ULK4: variants seen among roughly 807,000 people sequenced by gnomAD.
ULK4 encodes the protein unc-51 like kinase 4, also known as inactive serine/threonine-protein kinase ULK4.
A neutral mutation model predicts 160.6 loss-of-function variants in ULK4; 133 were observed. The ratio of observed to expected loss-of-function variants is 0.83; its 90% CI spans 0.72 to 0.96. The LOEUF is 0.96. Among genes scored for constraint, ULK4 ranks in the 40% least tolerant of loss-of-function variants. The pLI is 0.00. For missense variants in ULK4, 1,580 were observed against 1,499.5 expected, an observed-to-expected ratio of 1.05 and a Z score of -0.89; for synonymous variants, 534 against 539.8, an observed-to-expected ratio of 0.99 and a Z score of 0.15.
intron 30 of ULK4, among the ~76,000 whole-genome samples, chr3:41,618,575 G>A (rs1460551684): frequency 6.6e-6 from 1 of 152,174 alleles, no homozygotes; most frequent in Non-Finnish European, 1.5e-5. Context: ...AGCAAATGCT[G>A]AGGGATTTTG....
Position 41,690,275 on chromosome 3 carries a change from A to C in ULK4, c.2782-8471T>G, listed in dbSNP as rs1251526050. ...ATGGACACAGGAAGGGGAACATCAC[A>C]CTCCGGGGACTGTTGTGGGGTAGGG... On this transcript the variant is annotated intron_variant, in intron 27 of 36. Transcript: ENST00000301831. Among the ~76,000 whole-genome samples, 30 of 150,136 alleles carry C rather than the reference A, an allele frequency of 2.0e-4. 1 individual carries two copies. Among genetic ancestry groups the C allele is most frequent in the African/African-American group, 7.3e-4 (30 of 40,840 alleles).
chr3:41,626,651 A>G (rs1449414014), intron 30 of ULK4, among the ~76,000 whole-genome samples: 1 of 151,674 alleles, frequency 6.6e-6, no homozygotes, highest in African/African-American at 2.4e-5. Flanking sequence ...CAGCCACCCG[A>G]GTAGCTAGGA....
chr3:41,476,114 G>A (rs2084136029), intron 32 of ULK4, among the ~76,000 whole-genome samples: 1 of 151,798 alleles, frequency 6.6e-6, no homozygotes, highest in Admixed American at 6.6e-5. Flanking sequence ...CTTAAACCTG[G>A]GTTTGCATAG....
chr3:41,628,526 G>A (rs1471718576), intron 30 of ULK4, among the ~76,000 whole-genome samples: 2 of 152,086 alleles, frequency 1.3e-5, no homozygotes, highest in Admixed American at 1.3e-4. Context: ...CTTAAATGGA[G>A]GAGCATCTTA....
intron 31 of ULK4, among the ~76,000 whole-genome samples, chr3:41,574,618 T>C (rs1559406779): frequency 7.2e-6 from 1 of 138,412 alleles, no homozygotes; most frequent in South Asian, 2.5e-4. Context: ...CTCAGCTCAA[T>C]GCAAGCTCCG....
Position 41,954,743 on chromosome 3 carries a change from A to G in ULK4, c.17T>C (p.Leu6Pro). 10 of 1,612,526 alleles carry G rather than the reference A, an allele frequency of 6.2e-6. No homozygotes were observed. The highest frequency in any genetic ancestry group is 7.6e-6 in the Non-Finnish European group (9 of 1,179,500). Reference protein sequence around the residue: MENFILYEEIGRGSKT... With the variant: MENFIPYEEIGRGSKT... ...GCTTCCTCTTCCGATCTCCTCATAC[A>G]GAATAAAGTTTTCCATCTCTGGGCC... is the stretch of plus-strand genomic sequence containing the variant. The change falls in exon 2 of 37, where the codon CTG (leucine) becomes CCG (proline). Residue 6 changes from leucine (L) to proline (P), a missense_variant. Transcript: ENST00000301831.
intron 30 of ULK4, among the ~76,000 whole-genome samples, chr3:41,632,064 C>T (rs941364466): frequency 9.2e-5 from 14 of 152,270 alleles, no homozygotes; most frequent in Middle Eastern, 3.4e-3. Context: ...GCATTCTCCC[C>T]AAGACATGAT....
chr3:41,799,608 T>C (rs1487792816), intron 20 of ULK4, among the ~76,000 whole-genome samples: 1 of 152,182 alleles, frequency 6.6e-6, no homozygotes, highest in East Asian at 1.9e-4. Flanking sequence ...ATCCACGTAA[T>C]TCCAGCACTT....
intron 32 of ULK4, among the ~76,000 whole-genome samples, chr3:41,524,502 C>G (rs1266623973): frequency 1.3e-5 from 2 of 152,190 alleles, no homozygotes; most frequent in African/African-American, 4.8e-5. Flanking sequence ...GTCAGCACCA[C>G]AATCCCTAAA....
intron 12 of ULK4, among the ~76,000 whole-genome samples, chr3:41,902,575 CAA>C (rs35656981): frequency 7.5e-5 from 4 of 53,260 alleles, no homozygotes; most frequent in Non-Finnish European, 1.1e-4. Context: ...GAGACTCCAC[CAA>C]AAAAAAAAAA....
intron 31 of ULK4, among the ~76,000 whole-genome samples, chr3:41,600,567 T>A (rs2031990182): frequency 6.6e-6 from 1 of 152,208 alleles, no homozygotes; most frequent in Non-Finnish European, 1.5e-5. Flanking sequence ...CTGCAGCTTG[T>A]GAACAACACT....
chr3:41,439,417 G>A (rs1179731254), intron 34 of ULK4, among the ~76,000 whole-genome samples: 1 of 152,100 alleles, frequency 6.6e-6, no homozygotes, highest in Non-Finnish European at 1.5e-5. Flanking sequence ...GACTGAAATG[G>A]AGGAAACCAC....
intron 5 of ULK4, among the ~76,000 whole-genome samples, chr3:41,931,551 T>A (rs1032441073): frequency 6.6e-6 from 1 of 151,762 alleles, no homozygotes; most frequent in Non-Finnish European, 1.5e-5. Context: ...GAGCCGCTAA[T>A]GTGCCAGGCA....
chr3:41,740,176 G>C (rs571086053), intron 22 of ULK4, among the ~76,000 whole-genome samples: 10 of 151,858 alleles, frequency 6.6e-5, no homozygotes, highest in African/African-American at 1.9e-4. Context: ...ACTGGCTTTT[G>C]TACGGTGTAA....
chr3:41,830,236 T>C (rs951273660), intron 18 of ULK4, among the ~76,000 whole-genome samples: 2 of 152,044 alleles, frequency 1.3e-5, no homozygotes, highest in Non-Finnish European at 2.9e-5. Context: ...ACATGACACA[T>C]GTATACATAT....
At position 41,278,163 on chromosome 3, in the gene ULK4, T is replaced by G. The variant is rs566484156; in HGVS notation, c.3679-28589A>C. The G allele has an allele frequency of 3.3e-5, 5 of 152,378 alleles. No homozygotes were observed. In the East Asian group the frequency reaches 9.7e-4, roughly 29 times the overall value. The allele number at this position is 152,378 out of a possible 1,614,324, so 9.4% of individuals were successfully genotyped here. On this transcript the variant is annotated intron_variant, in intron 35 of 36. Transcript: ENST00000301831. ...TCCCTCCCGTGCCTGGCTCGGTAGG[T>G]CCCACGCCCACAGAGCCTAGCTCAC...
intron 34 of ULK4, among the ~76,000 whole-genome samples, chr3:41,443,971 C>A (rs1454402348): frequency 6.6e-6 from 1 of 151,844 alleles, no homozygotes; most frequent in Non-Finnish European, 1.5e-5. Context: ...TATAGATTAA[C>A]AAAGTTTTCA....
At chr3:41,293,285 C>CA (rs1208360441) in intron 35 of ULK4, among the ~76,000 whole-genome samples, 22 of 151,698 alleles carry the variant, frequency 1.5e-4, no homozygotes, top group Middle Eastern at 3.4e-3. Flanking sequence ...AACATACATA[C>CA]AAAAAAAACA....
intron 35 of ULK4, among the ~76,000 whole-genome samples, chr3:41,373,512 T>G (rs186241741): frequency 4.7e-4 from 71 of 152,324 alleles, no homozygotes; most frequent in African/African-American, 1.7e-3. Flanking sequence ...ACGTGGAAGC[T>G]GAACAACATG....
Sources: allele counts gnomAD v4.1 joint callset (sites outside exome capture counted in the v4.1 genomes callset), GRCh38; gene constraint gnomAD v4.1.1; transcripts MANE v1.5; gene names NCBI Gene and HGNC (gene_info 2026-07-23, HGNC 2026-07-21).